The following YAP1 variants were observed in gnomAD, a reference collection of about 807,000 sequenced individuals.
The protein encoded by YAP1 is transcriptional coactivator YAP1.
In YAP1, 5 loss-of-function variants were observed where a neutral mutation model predicts 56.9. That is an observed-to-expected ratio of 0.09 (90% CI 0.05 to 0.18). The LOEUF is 0.18. Ranked by LOEUF, YAP1 falls within the 10% of genes least tolerant of loss-of-function variation. YAP1 has a pLI of 1.00. For missense variants in YAP1, 539 were observed against 651.8 expected (o/e 0.83, Z 1.88); for synonymous variants, 265 against 248.1 (o/e 1.07, Z -0.64).
At chr11:102,152,218 A>G (rs1202289613) in intron 2 of YAP1, among the ~76,000 whole-genome samples, 2 of 152,192 alleles carry the variant, frequency 1.3e-5, no homozygotes, top group African/African-American at 4.8e-5. Flanking sequence ...TGGTTCACAT[A>G]TAGTCTTCAG....
intron 6 of YAP1, 103 bp from the exon 7 acceptor site, chr11:102,223,519 A>T: frequency 1.6e-6 from 2 of 1,259,540 alleles, no homozygotes; most frequent in Non-Finnish European, 2.2e-6. Context: ...AGATGTTTTT[A>T]ATCTATCTGC....
intron 3 of YAP1, among the ~76,000 whole-genome samples, chr11:102,172,393 C>T (rs1269182260): frequency 2.8e-5 from 4 of 140,620 alleles, no homozygotes; most frequent in Non-Finnish European, 6.0e-5. Context: ...CTCATTGCAG[C>T]TTCAACTTCA....
At chr11:102,172,749 G>A (rs539627715) in intron 3 of YAP1, among the ~76,000 whole-genome samples, 1 of 152,258 alleles carries the variant, frequency 6.6e-6, no homozygotes, top group Non-Finnish European at 1.5e-5. Context: ...AGAGTGATAG[G>A]CTGGGGATGG....
intron 2 of YAP1, among the ~76,000 whole-genome samples, chr11:102,128,300 GT>G (rs1032244855): frequency 6.6e-6 from 1 of 152,120 alleles, no homozygotes; most frequent in African/African-American, 2.4e-5. Context: ...TCGGCGGGGG[GT>G]AATTGAATTA....
In YAP1 at chr11:102,177,431, C is replaced by T. The variant is rs972489654; in HGVS notation, c.689-8587C>T. 3.3e-5 allele frequency among the ~76,000 whole-genome samples: 5 copies of T among 151,988 alleles called. No individual in the cohort carries two copies. The South Asian group carries it at 6.2e-4, about 19-fold the overall frequency. The stretch of plus-strand genomic sequence containing the variant: ...TTGGAAGTTACTGCTAAAACTTTGT[C>T]ATGGAAATGTGAAAGTTTATGTGAA... On this transcript the variant is annotated intron_variant, in intron 3 of 8. Transcript: ENST00000282441.
chr11:102,114,454 G>C, intron 2 of YAP1, 60 bp downstream of exon 2: 1 of 1,557,262 alleles, frequency 6.4e-7, no homozygotes, highest in Non-Finnish European at 8.7e-7. Context: ...GGAAAACACA[G>C]TAAAGTGGTG....
chr11:102,177,134 G>A (rs185678708), intron 3 of YAP1, among the ~76,000 whole-genome samples: 1 of 152,242 alleles, frequency 6.6e-6, no homozygotes, highest in African/African-American at 2.4e-5. Flanking sequence ...GCTGGGAGAG[G>A]AGATGTTTGA....
intron 6 of YAP1, among the ~76,000 whole-genome samples, chr11:102,211,354 G>A (rs1017975694): frequency 6.6e-6 from 1 of 151,836 alleles, no homozygotes; most frequent in Non-Finnish European, 1.5e-5. Context: ...AGGCTTATTA[G>A]TAGTAAAGCT....
intron 4 of YAP1, among the ~76,000 whole-genome samples, chr11:102,188,946 A>G (rs748609013): frequency 3.9e-5 from 6 of 152,172 alleles, no homozygotes; most frequent in Non-Finnish European, 8.8e-5. Flanking sequence ...TTTAAAAGCT[A>G]TTTCTTTAAT....
chr11:102,189,628 T>C (rs915662554), intron 4 of YAP1, among the ~76,000 whole-genome samples: 1 of 152,182 alleles, frequency 6.6e-6, no homozygotes, highest in Non-Finnish European at 1.5e-5. Context: ...TGCACAGAAA[T>C]TCTATGTGTA....
chr11:102,156,615 C>G (rs1057422140), intron 2 of YAP1, among the ~76,000 whole-genome samples: 1 of 152,198 alleles, frequency 6.6e-6, no homozygotes, highest in African/African-American at 2.4e-5. Flanking sequence ...AGTTCATACT[C>G]TAATGACATC....
intron 2 of YAP1, among the ~76,000 whole-genome samples, chr11:102,128,233 A>G (rs1050135043): frequency 6.6e-6 from 1 of 152,138 alleles, no homozygotes; most frequent in Non-Finnish European, 1.5e-5. Flanking sequence ...CTGTGTCCCC[A>G]CTGAAATCTC....
At chr11:102,158,028 A>G (rs530517051) in intron 2 of YAP1, among the ~76,000 whole-genome samples, 184 of 152,326 alleles carry the variant, frequency 1.2e-3, no homozygotes, top group Non-Finnish European at 1.8e-3. Context: ...AATTTGTGCC[A>G]TCTGACATCA....
intron 4 of YAP1, among the ~76,000 whole-genome samples, chr11:102,188,767 C>G (rs1247124229): frequency 6.6e-6 from 1 of 152,124 alleles, no homozygotes; most frequent in Non-Finnish European, 1.5e-5. Flanking sequence ...GACAGAATTG[C>G]CAATGATCCA....
chr11:102,113,057 T>G (rs1303942806), intron 1 of YAP1, among the ~76,000 whole-genome samples: 1 of 152,222 alleles, frequency 6.6e-6, no homozygotes, highest in East Asian at 1.9e-4. Context: ...TTTCTCCTAA[T>G]GATTTCCTAA....
intron 2 of YAP1, among the ~76,000 whole-genome samples, chr11:102,117,714 A>G (rs1321165413): frequency 1.3e-5 from 2 of 152,198 alleles, no homozygotes; most frequent in East Asian, 3.8e-4. Flanking sequence ...TGCTAGTTAC[A>G]TTTATCAGTG....
At chr11:102,204,387 A>T (rs1949020290) in intron 4 of YAP1, among the ~76,000 whole-genome samples, 1 of 152,156 alleles carries the variant, frequency 6.6e-6, no homozygotes, top group African/African-American at 2.4e-5. Context: ...TGTGCTAGGT[A>T]TTGAGGACAC....
intron 3 of YAP1, among the ~76,000 whole-genome samples, chr11:102,165,228 A>G (rs962290884): frequency 8.6e-5 from 13 of 151,884 alleles, no homozygotes; most frequent in African/African-American, 1.2e-4. Context: ...ATGGTGGTGC[A>G]TAAGTGAAGT....
chr11:102,143,114 C>T (rs981054619), intron 2 of YAP1, among the ~76,000 whole-genome samples: 29 of 152,264 alleles, frequency 1.9e-4, no homozygotes, highest in African/African-American at 6.3e-4. Context: ...ATGGCTGCCT[C>T]TCTGCAACCA....
Sources: allele counts gnomAD v4.1 joint callset (sites outside exome capture counted in the v4.1 genomes callset), GRCh38; gene constraint gnomAD v4.1.1; transcripts MANE v1.5; gene names NCBI Gene and HGNC (gene_info 2026-07-23, HGNC 2026-07-21).